SCHIP1: variants seen among roughly 807,000 people sequenced by gnomAD.
SCHIP1 encodes schwannomin-interacting protein 1.
In SCHIP1, 8 loss-of-function variants were observed where a neutral mutation model predicts 29.7. That is an observed-to-expected ratio of 0.27 (90% confidence interval 0.16 to 0.49). The LOEUF (loss-of-function observed/expected upper bound fraction) is 0.49, where lower values mean the gene tolerates loss of function less well. SCHIP1 is among the 20% of genes least tolerant of loss of function. The pLI is 0.99. For synonymous variants in SCHIP1, 76 were observed against 94.9 expected (o/e 0.80, Z 1.16); for missense variants, 193 against 294.6 (o/e 0.66, Z 2.52).
chr3:159,323,766 G>A, the SCHIP1 span, among the ~76,000 whole-genome samples: 1 of 152,174 alleles, frequency 6.6e-6, no homozygotes, highest in Non-Finnish European at 1.5e-5. Flanking sequence ...GCTGGCAGAG[G>A]AAAAGGGAAT....
the SCHIP1 span, among the ~76,000 whole-genome samples, chr3:159,465,086 C>A: frequency 6.6e-6 from 1 of 152,086 alleles, no homozygotes; most frequent in African/African-American, 2.4e-5. Flanking sequence ...CTCCTCTCCA[C>A]AAGTAAAGGA....
the SCHIP1 span, among the ~76,000 whole-genome samples, chr3:159,831,781 C>A: frequency 6.6e-6 from 1 of 152,088 alleles, no homozygotes; most frequent in Non-Finnish European, 1.5e-5. Context: ...AAGAATGGCA[C>A]AGAATTTAAA....
the SCHIP1 span, among the ~76,000 whole-genome samples, chr3:159,374,167 G>T: frequency 9.2e-5 from 14 of 152,138 alleles, no homozygotes; most frequent in African/African-American, 3.1e-4. Flanking sequence ...GAGGAGGAAT[G>T]AACATGTTAA....
the SCHIP1 span, among the ~76,000 whole-genome samples, chr3:159,712,910 C>T: frequency 1.3e-5 from 2 of 148,574 alleles, no homozygotes; most frequent in African/African-American, 2.5e-5. Context: ...GCCTGTAATC[C>T]CACTTTGGGA....
At chr3:159,782,764 C>T in the SCHIP1 span, among the ~76,000 whole-genome samples, 2 of 152,186 alleles carry the variant, frequency 1.3e-5, no homozygotes, top group Non-Finnish European at 2.9e-5. Flanking sequence ...GCTCTCTTGA[C>T]ATCTGATATC....
chr3:159,704,298 G>A, the SCHIP1 span, among the ~76,000 whole-genome samples: 1 of 151,892 alleles, frequency 6.6e-6, no homozygotes, highest in Non-Finnish European at 1.5e-5. Context: ...AGCTGGGCAT[G>A]GTGGCATGCA....
At chr3:159,386,986 C>G in the SCHIP1 span, 2 of 157,060 alleles carry the variant, frequency 1.3e-5, no homozygotes, top group Non-Finnish European at 2.8e-5. Flanking sequence ...CACTGGCCAT[C>G]ATCAGTAGCT....
chr3:159,461,611 T>C, the SCHIP1 span, among the ~76,000 whole-genome samples: 1 of 151,602 alleles, frequency 6.6e-6, no homozygotes, highest in Non-Finnish European at 1.5e-5. Context: ...AGTCTCACTC[T>C]GTCGCCCAGG....
the SCHIP1 span, among the ~76,000 whole-genome samples, chr3:159,612,049 G>A: frequency 6.6e-5 from 10 of 152,008 alleles, no homozygotes; most frequent in African/African-American, 9.7e-5. Context: ...AAACTTTACA[G>A]GCATTAAAAC....
At chr3:159,460,571 C>A in the SCHIP1 span, among the ~76,000 whole-genome samples, 1 of 152,170 alleles carries the variant, frequency 6.6e-6, no homozygotes, top group East Asian at 1.9e-4. Flanking sequence ...TCTGTTGTAT[C>A]TGGTAAGGTA....
the SCHIP1 span, among the ~76,000 whole-genome samples, chr3:159,433,138 T>C: frequency 6.6e-6 from 1 of 152,110 alleles, no homozygotes; most frequent in Admixed American, 6.6e-5. Flanking sequence ...TAAGCACAGT[T>C]TGTGTTGAGC....
At chr3:159,439,012 G>A in the SCHIP1 span, among the ~76,000 whole-genome samples, 2 of 152,142 alleles carry the variant, frequency 1.3e-5, no homozygotes, top group Non-Finnish European at 2.9e-5. Flanking sequence ...ACCCAGTAAG[G>A]AGATTGCAGG....
the SCHIP1 span, among the ~76,000 whole-genome samples, chr3:159,309,439 A>G: frequency 2.0e-4 from 31 of 152,208 alleles, no homozygotes; most frequent in African/African-American, 7.0e-4. Flanking sequence ...TGAACTATTG[A>G]GAATCTGCCA....
At chr3:159,709,232 G>A in the SCHIP1 span, among the ~76,000 whole-genome samples, 3 of 152,112 alleles carry the variant, frequency 2.0e-5, no homozygotes, top group East Asian at 5.8e-4. Flanking sequence ...GTGGGGAAGG[G>A]AATATGGCTA....
the SCHIP1 span, among the ~76,000 whole-genome samples, chr3:159,673,124 C>T: frequency 6.6e-6 from 1 of 152,194 alleles, no homozygotes; most frequent in South Asian, 2.1e-4. Flanking sequence ...CTCCAATACA[C>T]AAAAATCCCA....
At chr3:159,377,110 A>G in the SCHIP1 span, among the ~76,000 whole-genome samples, 3 of 152,188 alleles carry the variant, frequency 2.0e-5, no homozygotes, top group Non-Finnish European at 4.4e-5. Flanking sequence ...CTTGATTGCC[A>G]GGGGTTGGAG....
chr3:159,485,037 G>A, the SCHIP1 span, among the ~76,000 whole-genome samples: 1 of 152,170 alleles, frequency 6.6e-6, no homozygotes, highest in Admixed American at 6.5e-5. Flanking sequence ...AACAGAACAA[G>A]CGCCAGACTT....
At chr3:159,618,217 A>T in the SCHIP1 span, among the ~76,000 whole-genome samples, 2 of 152,170 alleles carry the variant, frequency 1.3e-5, no homozygotes, top group Non-Finnish European at 1.5e-5. Context: ...AGCACTGGAG[A>T]TGCTCTATAT....
the SCHIP1 span, chr3:159,765,394 A>T: frequency 2.2e-6 from 1 of 451,442 alleles, no homozygotes; most frequent in East Asian, 3.9e-5. Context: ...GGGTTAGTGG[A>T]ACCGGCGACT....
Sources: allele counts gnomAD v4.1 joint callset (sites outside exome capture counted in the v4.1 genomes callset), GRCh38; gene constraint gnomAD v4.1.1; transcripts MANE v1.5; gene names NCBI Gene and HGNC (gene_info 2026-07-23, HGNC 2026-07-21).